TBL1Y: variants seen among roughly 807,000 people sequenced by gnomAD.
TBL1Y encodes transducin beta like 1 Y-linked.
TBL1Y carries 15 observed loss-of-function variants against 12.0 expected under a neutral mutation model. That is an observed-to-expected ratio of 1.25 (90% CI 0.83 to 1.92). TBL1Y has a LOEUF of 1.92. Among genes scored for constraint, TBL1Y ranks in the 40% most tolerant of loss-of-function variants. The pLI, the probability that TBL1Y is intolerant of heterozygous loss-of-function variation, is 0.00. For missense variants in TBL1Y, 148 were observed against 116.7 expected (o/e 1.27, Z -1.24); for synonymous variants, 53 against 42.6 (o/e 1.24, Z -0.95).
At chrY:6,921,466 C>G (rs751765030) in intron 2 of TBL1Y, among the ~76,000 whole-genome samples, 36 of 32,937 alleles carry the variant, frequency 1.1e-3, no homozygotes, top group African/African-American at 4.0e-3. Flanking sequence ...TGGGTGTCTA[C>G]CCTAAATTCA....
intron 13 of TBL1Y, among the ~76,000 whole-genome samples, chrY:7,076,019 C>A: frequency 6.6e-5 from 2 of 30,165 alleles, no homozygotes; most frequent in African/African-American, 2.7e-4. Context: ...ACTTCCACCT[C>A]CTGGGTTCAA....
At chrY:7,061,091 CTTTTTTTTTTTTTTT>C in intron 7 of TBL1Y, among the ~76,000 whole-genome samples, 1 of 6,199 alleles carries the variant, frequency 1.6e-4, no homozygotes, top group East Asian at 4.0e-3. Flanking sequence ...TACATTTTTG[CTTTTTTTTTTTTTTT>C]TTTTTTTTTT....
intron 2 of TBL1Y, among the ~76,000 whole-genome samples, chrY:6,916,245 A>G: frequency 2.0e-4 from 6 of 30,515 alleles, no homozygotes; most frequent in Non-Finnish European, 3.1e-4. Context: ...CAGCCTGACA[A>G]ACCCACCAGA....
chrY:6,929,886 T>C (rs2011853585), intron 2 of TBL1Y, among the ~76,000 whole-genome samples: 1 of 33,831 alleles, frequency 3.0e-5, no homozygotes, highest in Non-Finnish European at 7.3e-5. Context: ...GTATCTCGTT[T>C]CATGCACCTG....
chrY:7,056,948 C>CTTTGATAGATAAAGGATAAAGG (rs2012826928), intron 7 of TBL1Y, among the ~76,000 whole-genome samples: 3 of 33,723 alleles, frequency 8.9e-5, no homozygotes, highest in Non-Finnish European at 2.2e-4. Flanking sequence ...GGGGTTTTAT[C>CTTTGATAGATAAAGGATAAAGG]CCTGACTCAC....
At chrY:7,074,127 A>G (rs756775321) in intron 12 of TBL1Y, among the ~76,000 whole-genome samples, 1 of 34,170 alleles carries the variant, frequency 2.9e-5, no homozygotes, top group South Asian at 6.5e-4. Flanking sequence ...CAATTTTGGT[A>G]TTCTTGCAAG....
intron 7 of TBL1Y, among the ~76,000 whole-genome samples, chrY:7,062,992 C>T (rs368222884): frequency 3.0e-5 from 1 of 33,276 alleles, no homozygotes; most frequent in Non-Finnish European, 7.4e-5. Context: ...TGTGAGGATC[C>T]TTTAAGGTAG....
At chrY:6,941,801 C>T (rs1003297074) in intron 2 of TBL1Y, among the ~76,000 whole-genome samples, 1 of 32,656 alleles carries the variant, frequency 3.1e-5, no homozygotes, top group African/African-American at 1.2e-4. Context: ...GGCTGATTAT[C>T]GTAATCTTCC....
At chrY:7,060,236 C>T in intron 7 of TBL1Y, among the ~76,000 whole-genome samples, 1 of 33,249 alleles carries the variant, frequency 3.0e-5, no homozygotes, top group African/African-American at 1.2e-4. Flanking sequence ...TTTTACTTTC[C>T]TTATACACTT....
chrY:6,930,229 T>C, intron 2 of TBL1Y, among the ~76,000 whole-genome samples: 1 of 33,328 alleles, frequency 3.0e-5, no homozygotes, highest in African/African-American at 1.2e-4. Context: ...ATGTAGTATC[T>C]CAAAAGTGTA....
chrY:7,003,184 G>A (rs2012463221), intron 4 of TBL1Y, among the ~76,000 whole-genome samples: 2 of 33,823 alleles, frequency 5.9e-5, no homozygotes, highest in Non-Finnish European at 1.5e-4. Context: ...TGCCAGATGC[G>A]GGATGGACTG....
At chrY:6,935,370 A>G (rs2011897072) in intron 2 of TBL1Y, among the ~76,000 whole-genome samples, 1 of 30,167 alleles carries the variant, frequency 3.3e-5, no homozygotes, top group South Asian at 7.1e-4. Context: ...TGTACTCATT[A>G]TTTTGCCTGG....
chrY:7,009,896 TG>T (rs2012506728), intron 4 of TBL1Y, among the ~76,000 whole-genome samples: 1 of 31,718 alleles, frequency 3.2e-5, no homozygotes, highest in Non-Finnish European at 7.6e-5. Context: ...TTAGGCATGG[TG>T]GTGCATGCCT....
intron 7 of TBL1Y, among the ~76,000 whole-genome samples, chrY:7,047,728 G>T (rs2012767237): frequency 3.5e-5 from 1 of 28,406 alleles, no homozygotes; most frequent in Non-Finnish European, 8.4e-5. Flanking sequence ...GTATTTTCCT[G>T]ATATTTGATT....
chrY:7,034,738 C>T (rs991303731), intron 6 of TBL1Y, among the ~76,000 whole-genome samples: 1 of 33,438 alleles, frequency 3.0e-5, no homozygotes, highest in Admixed American at 2.7e-4. Flanking sequence ...ATTTAATAAA[C>T]GGTGTTGGAA....
intron 2 of TBL1Y, among the ~76,000 whole-genome samples, chrY:6,918,033 A>C: frequency 6.1e-5 from 2 of 32,793 alleles, no homozygotes; most frequent in Non-Finnish European, 1.5e-4. Context: ...TATTATACTT[A>C]GTGGAGGCCC....
intron 2 of TBL1Y, among the ~76,000 whole-genome samples, chrY:6,963,688 G>A (rs1050589483): frequency 8.3e-4 from 28 of 33,935 alleles, no homozygotes; most frequent in Middle Eastern, 0.014. Context: ...TAAAGAAATC[G>A]TAAATCTTTA....
At chrY:7,015,126 A>G in intron 4 of TBL1Y, among the ~76,000 whole-genome samples, 1 of 33,938 alleles carries the variant, frequency 2.9e-5, no homozygotes, top group African/African-American at 1.2e-4. Context: ...TGCACATTAG[A>G]GAACGCAGAG....
intron 12 of TBL1Y, among the ~76,000 whole-genome samples, chrY:7,072,754 C>T: frequency 2.9e-5 from 1 of 33,931 alleles, no homozygotes; most frequent in Non-Finnish European, 7.3e-5. Context: ...AGGGTGGGAA[C>T]CCAGGGTGAA....
Sources: gnomAD v4.1 joint callset for allele counts (sites outside exome capture counted in the v4.1 genomes callset) on GRCh38, gnomAD v4.1.1 for gene constraint, MANE v1.5 for transcripts, NCBI Gene and HGNC (gene_info 2026-07-23, HGNC 2026-07-21) for gene names.